Variants in RPS4X observed in about 807,000 individuals in gnomAD.
RPS4X encodes the protein ribosomal protein S4 X-linked, also known as small ribosomal subunit protein eS4, X isoform.
For missense variants in RPS4X, 90 were observed against 219.1 expected (o/e 0.41, Z 3.72); for synonymous variants, 76 against 76.8 (o/e 0.99, Z 0.06).
intron 1 of RPS4X, 79 bp from the exon 2 acceptor site, chrX:72,276,313 T>C: frequency 1.4e-6 from 1 of 722,167 alleles, no homozygotes; most frequent in Non-Finnish European, 2.1e-6. Context: ...AAACTCTTAG[T>C]TTAGTTTCAT....
At chrX:72,276,831 T>C (rs1393568152) in intron 1 of RPS4X, among the ~76,000 whole-genome samples, 1 of 112,751 alleles carries the variant, frequency 8.9e-6, no homozygotes, top group Non-Finnish European at 1.9e-5. Flanking sequence ...AAAAAGGCAA[T>C]GACAAAGAAA....
intron 2 of RPS4X, 93 bp downstream of exon 2, chrX:72,276,064 G>A (rs755766189): frequency 5.8e-4 from 404 of 692,716 alleles, no homozygotes; most frequent in Non-Finnish European, 8.9e-4. Flanking sequence ...AGGAAGCCAA[G>A]AATAGATATT....
intron 2 of RPS4X, 148 bp downstream of exon 2, chrX:72,276,009 T>C: frequency 2.0e-6 from 1 of 508,272 alleles, no homozygotes; most frequent in East Asian, 3.6e-5. Flanking sequence ...ATTAAATCGA[T>C]TGGAAGTGGA....
In RPS4X at chrX:72,273,456, CA is replaced by C. The variant is rs1412376277; in HGVS notation, c.533-68del. On this transcript the variant is annotated intron_variant, in intron 5 of 6. Transcript: ENST00000316084. ...ATGACAAGCAGCTCAGAGATGGGTC[CA>C]AACAAATTTTATTCCTCCTTTCCCC... 259 of 1,000,841 alleles carry C rather than the reference CA, an allele frequency of 2.6e-4. 1 individual carries two copies. Among genetic ancestry groups the C allele is most frequent in the Admixed American group, 2.2e-3 (67 of 30,191 alleles). The allele number at this position is 1,000,841 out of a possible 1,213,427, so 82.5% of individuals were successfully genotyped here.
chrX:72,274,149 C>T, intron 4 of RPS4X, 177 bp from the exon 5 acceptor site: 1 of 447,932 alleles, frequency 2.2e-6, no homozygotes, highest in East Asian at 3.9e-5. Flanking sequence ...TAACATCCAC[C>T]ATTGCCCTCC....
At chrX:72,275,821 T>C (rs1383124118) in intron 2 of RPS4X, 97 bp from the exon 3 acceptor site, 1 of 721,151 alleles carries the variant, frequency 1.4e-6, no homozygotes, top group Non-Finnish European at 2.0e-6. Flanking sequence ...ACCAAGACCG[T>C]CCATATTACA....
At position 72,277,239 on chromosome X, in the gene RPS4X, C is replaced by T; in HGVS notation, c.-44G>A. The T allele has an allele frequency of 8.3e-7, 1 of 1,203,049 alleles. No individual in the cohort carries two copies. Among genetic ancestry groups the T allele is most frequent in the Non-Finnish European group, 1.1e-6 (1 of 889,276 alleles). On this transcript the variant is annotated 5_prime_UTR_variant, in exon 1 of 7. Transcript: ENST00000316084. ...AAGAGGACCTCCGTCTTCCGGTGCGCGTAGAAATTGGGGCTGGAGACTGCG... is the reference window on the plus strand; with the variant it reads ...AAGAGGACCTCCGTCTTCCGGTGCGTGTAGAAATTGGGGCTGGAGACTGCG...
intron 6 of RPS4X, 25 bp downstream of exon 6, chrX:72,273,207 A>G (rs1219137575): frequency 1.7e-6 from 2 of 1,184,471 alleles, no homozygotes; most frequent in African/African-American, 3.5e-5. Flanking sequence ...TCCTCAGACT[A>G]GAGAGAAGGA....
Position 72,273,826 on chromosome X carries a change from A to C in RPS4X, c.507T>G (p.Ile169Met). The part of the protein sequence containing the change: ...TIQIDLETGK[I>M]TDFIKFDTGN... Reference sequence around the variant, plus strand: ...CAGTGTCGAACTTGATGAAATCAGTAATCTTGCCAGTCTCCAAATCAATCT... The same window carrying C: ...CAGTGTCGAACTTGATGAAATCAGTCATCTTGCCAGTCTCCAAATCAATCT... The change falls in exon 5 of 7, where the codon ATT becomes ATG. Residue 169 changes from isoleucine to methionine, a missense_variant. By Grantham distance (10) the Ile-to-Met change is conservative. Transcript: ENST00000316084. 1 of 1,209,830 alleles carries C rather than the reference A, an allele frequency of 8.3e-7. No homozygotes were observed. Among genetic ancestry groups the C allele is most frequent in the Non-Finnish European group, 1.1e-6 (1 of 894,191 alleles).
At chrX:72,274,917 T>C in intron 4 of RPS4X, 136 bp downstream of exon 4, 4 of 440,159 alleles carry the variant, frequency 9.1e-6, no homozygotes, top group Non-Finnish European at 1.6e-5. Context: ...CATCGAATTG[T>C]TAGCTAGATA....
intron 1 of RPS4X, 131 bp from the exon 2 acceptor site, chrX:72,276,365 T>C: frequency 2.1e-6 from 1 of 472,724 alleles, no homozygotes; most frequent in Non-Finnish European, 3.6e-6. Context: ...AGTGTTCCGA[T>C]AAAACAGAAA....
chrX:72,272,802 C>T, intron 6 of RPS4X, 30 bp from the exon 7 acceptor site: 2 of 992,358 alleles, frequency 2.0e-6, no homozygotes, highest in Non-Finnish European at 2.9e-6. Context: ...GAATCAAAAC[C>T]CACCACACAC....
chrX:72,273,479 C>T (rs2043189034), intron 5 of RPS4X, 90 bp from the exon 6 acceptor site: 8 of 894,726 alleles, frequency 8.9e-6, no homozygotes, highest in Non-Finnish European at 1.2e-5. Flanking sequence ...TTCCTCCTTT[C>T]CCCCCATTTG....
At position 72,275,560 on chromosome X, in the gene RPS4X, G is replaced by A; in HGVS notation, c.246C>T (p.Tyr82=). The A allele has an allele frequency of 1.7e-6, 2 of 1,208,957 alleles. No homozygotes were observed. The highest frequency in any genetic ancestry group is 5.9e-5 in the East Asian group (2 of 33,816). ...IDGKVRTDIT[Y]PAGFMDVISI... Reference sequence around the variant, plus strand: ...ACTTCTTACCCATGAATCCAGCAGGGTAGGTTATATCAGTTCGGACCTTGC... The same window carrying A: ...ACTTCTTACCCATGAATCCAGCAGGATAGGTTATATCAGTTCGGACCTTGC... Residue 82 remains tyrosine (Y), a synonymous_variant, in exon 3 of 7, where the codon TAC becomes TAT. Transcript: ENST00000316084.
chrX:72,276,808 G>A (rs1024518754), intron 1 of RPS4X, among the ~76,000 whole-genome samples: 3 of 112,631 alleles, frequency 2.7e-5, no homozygotes, highest in African/African-American at 9.7e-5. Context: ...GTATGGTAAA[G>A]TCAGGCCGTG....
Position 72,272,729 on chromosome X carries a change from C to T in RPS4X, c.734G>A (p.Arg245His). 5 of 1,210,890 alleles carry T rather than the reference C, an allele frequency of 4.1e-6. No individual in the cohort carries two copies. Among genetic ancestry groups the T allele is most frequent in the African/African-American group, 1.7e-5 (1 of 57,730 alleles). Residue 245 changes from arginine to histidine, a missense_variant, in exon 7 of 7, where the codon CGC (arginine) becomes CAC (histidine). By Grantham distance (29) the Arg-to-His change is conservative (BLOSUM62 0). Coordinates refer to ENST00000316084, the MANE Select transcript of RPS4X (RefSeq NM_001007.5). ...GTCTCTCTCTTCAGCAATGGTGAGG[C>T]GGATACCCTTTCCTCGGGGAAGAGA... Reference protein sequence around the residue: ...WISLPRGKGIRLTIAEERDKR... With the variant: ...WISLPRGKGIHLTIAEERDKR...
chrX:72,275,832 C>A, intron 2 of RPS4X, 108 bp from the exon 3 acceptor site: 1 of 668,518 alleles, frequency 1.5e-6, no homozygotes, highest in Non-Finnish European at 2.3e-6. Context: ...CCATATTACA[C>A]CCAACTTGGA....
rs1421814272 is a variant in RPS4X, at chrX:72,275,123, T to C, written c.290A>G (p.Glu97Gly). The C allele has an allele frequency of 8.3e-7, 1 of 1,205,258 alleles. No homozygotes were observed. The highest frequency in any genetic ancestry group is 2.2e-5 in the Admixed American group (1 of 45,875). ...GGTGTCATAGATCAGACGGAAATTC[T>C]CTCCCGTCTTGTCAATGCTGATGAC... ...MDVISIDKTGENFRLIYDTKG... is the reference protein window; with the variant it reads ...MDVISIDKTGGNFRLIYDTKG... The change falls in exon 4 of 7, where the codon GAG becomes GGG. Residue 97 changes from glutamate (E) to glycine (G), a missense_variant. Coordinates refer to ENST00000316084, the MANE Select transcript of RPS4X (RefSeq NM_001007.5).
At chrX:72,274,132 G>A (rs979037220) in intron 4 of RPS4X, 160 bp from the exon 5 acceptor site, 5 of 476,559 alleles carry the variant, frequency 1.0e-5, no homozygotes, top group African/African-American at 7.4e-5. Flanking sequence ...CTCTAGGCTC[G>A]TCCTCCTAAC....
Sources: allele counts gnomAD v4.1 joint callset (sites outside exome capture counted in the v4.1 genomes callset), GRCh38; gene constraint gnomAD v4.1.1; transcripts MANE v1.5; gene names NCBI Gene and HGNC (gene_info 2026-07-23, HGNC 2026-07-21).